GATAD2A: variants seen among roughly 807,000 people sequenced by gnomAD.
GATAD2A encodes the protein GATA zinc finger domain containing 2A.
Under a neutral mutation model 68.5 loss-of-function variants are expected in GATAD2A, and 12 were observed. The observed-to-expected ratio is 0.18, with a 90% CI of 0.11 to 0.28. GATAD2A has a LOEUF of 0.28. Ranked by LOEUF, GATAD2A falls within the 10% of genes least tolerant of loss-of-function variation. GATAD2A has a pLI of 1.00. For missense variants in GATAD2A, 755 were observed against 868.5 expected (o/e 0.87, Z 1.64); for synonymous variants, 410 against 375.3 (o/e 1.09, Z -1.07).
intron 8 of GATAD2A, among the ~76,000 whole-genome samples, chr19:19,500,773 C>T (rs2060474728): frequency 6.6e-6 from 1 of 152,264 alleles, no homozygotes; most frequent in East Asian, 1.9e-4. Flanking sequence ...TAAGAATGAA[C>T]TGAGTACCTC....
chr19:19,414,676 A>G (rs2051368076), intron 1 of GATAD2A, among the ~76,000 whole-genome samples: 1 of 149,102 alleles, frequency 6.7e-6, no homozygotes, highest in South Asian at 2.1e-4. Flanking sequence ...AGCTGGGATT[A>G]CAGGCGCACG....
At chr19:19,453,468 C>T (rs1343702190) in intron 1 of GATAD2A, among the ~76,000 whole-genome samples, 1 of 152,084 alleles carries the variant, frequency 6.6e-6, no homozygotes, top group African/African-American at 2.4e-5. Context: ...TGAGTCCTTG[C>T]TCTGGATTTA....
intron 2 of GATAD2A, among the ~76,000 whole-genome samples, chr19:19,487,953 C>T (rs1156456678): frequency 1.3e-5 from 2 of 152,166 alleles, no homozygotes; most frequent in East Asian, 3.9e-4. Flanking sequence ...GGTTCTGTGG[C>T]TGGAGAAGGC....
At chr19:19,451,403 G>T (rs2056378819) in intron 1 of GATAD2A, among the ~76,000 whole-genome samples, 1 of 152,190 alleles carries the variant, frequency 6.6e-6, no homozygotes, top group Non-Finnish European at 1.5e-5. Flanking sequence ...CCCAGGCACT[G>T]ATCAGGCTCC....
chr19:19,400,444 G>T (rs551112735), intron 1 of GATAD2A, among the ~76,000 whole-genome samples: 2 of 152,188 alleles, frequency 1.3e-5, no homozygotes, highest in East Asian at 3.9e-4. Context: ...CAGCATAAAC[G>T]ATGGTGATGG....
chr19:19,399,087 G>A (rs772472561), intron 1 of GATAD2A, among the ~76,000 whole-genome samples: 14 of 152,016 alleles, frequency 9.2e-5, no homozygotes, highest in Non-Finnish European at 1.6e-4. Flanking sequence ...TGCCAGGCAT[G>A]GTGGCCCACG....
At chr19:19,388,116 G>A (rs2048582835) in intron 1 of GATAD2A, among the ~76,000 whole-genome samples, 1 of 151,050 alleles carries the variant, frequency 6.6e-6, no homozygotes, top group Non-Finnish European at 1.5e-5. Flanking sequence ...GAGTGCAATG[G>A]TGTGATCTCT....
intron 1 of GATAD2A, chr19:19,429,103 C>G (rs2053435557): frequency 1.4e-6 from 1 of 729,130 alleles, no homozygotes; most frequent in Admixed American, 6.4e-5. Context: ...ATTTTGTAGT[C>G]TCCTCCTCCG....
chr19:19,501,026 G>A lies in GATAD2A; in HGVS notation c.1205-92G>A, dbSNP rs555469791. On this transcript the variant is annotated intron_variant, in intron 8 of 11. Coordinates refer to ENST00000683918, the MANE Select transcript of GATAD2A (RefSeq NM_001384528.1). ...ATTTGCAGAACGGACAGACTGTGGC[G>A]ACTGAGACTCCAGCATCCTGGGCTG... is the stretch of plus-strand genomic sequence containing the variant. 7.9e-5 allele frequency: 91 copies of A among 1,148,658 alleles called. No homozygotes were observed. In the African/African-American group the frequency reaches 8.7e-4, roughly 11 times the overall value. The allele number at this position is 1,148,658 out of a possible 1,614,324, so 71.2% of individuals were successfully genotyped here. A position where few individuals can be genotyped will look rare whatever the true frequency, so the allele number is the denominator to read the frequency against.
chr19:19,435,086 G>T (rs563473140), intron 1 of GATAD2A: 4 of 533,018 alleles, frequency 7.5e-6, no homozygotes, highest in South Asian at 5.6e-5. Flanking sequence ...AGTTCCTGAA[G>T]ATCAGACACA....
At chr19:19,484,619 G>A (rs2059308912) in intron 2 of GATAD2A, among the ~76,000 whole-genome samples, 3 of 141,322 alleles carry the variant, frequency 2.1e-5, no homozygotes, top group Admixed American at 1.6e-4. Context: ...TGCAGGCTCT[G>A]CCCCCCGGGG....
upstream of GATAD2A, among the ~76,000 whole-genome samples, chr19:19,404,968 G>C (rs1397785377): frequency 6.6e-6 from 1 of 152,182 alleles, no homozygotes; most frequent in Non-Finnish European, 1.5e-5. Context: ...TTCGCTTTAT[G>C]TAGTTTAACA....
intron 1 of GATAD2A, among the ~76,000 whole-genome samples, chr19:19,416,955 T>G (rs2051719651): frequency 1.3e-5 from 2 of 152,094 alleles, no homozygotes; most frequent in Non-Finnish European, 2.9e-5. Flanking sequence ...AGAGACAGGG[T>G]TTCACCATGT....
At chr19:19,392,692 G>GTT (rs35476291) in intron 1 of GATAD2A, among the ~76,000 whole-genome samples, 91 of 131,496 alleles carry the variant, frequency 6.9e-4, no homozygotes, top group Non-Finnish European at 7.6e-4. Flanking sequence ...GTCCGGTCAA[G>GTT]TTTTTTTTTT....
At chr19:19,499,222 G>A (rs1010372083) in intron 8 of GATAD2A, among the ~76,000 whole-genome samples, 15 of 152,272 alleles carry the variant, frequency 9.9e-5, no homozygotes, top group Middle Eastern at 3.4e-3. Flanking sequence ...GGAATAAAAA[G>A]ACATCTACGG....
intron 1 of GATAD2A, among the ~76,000 whole-genome samples, chr19:19,415,637 T>C (rs1231223427): frequency 6.7e-6 from 1 of 150,308 alleles, no homozygotes; most frequent in Non-Finnish European, 1.5e-5. Context: ...TTTTTTTTTT[T>C]TGAGACAGTC....
intron 2 of GATAD2A, among the ~76,000 whole-genome samples, chr19:19,471,459 C>A (rs376081128): frequency 1.3e-5 from 2 of 151,948 alleles, no homozygotes; most frequent in African/African-American, 4.8e-5. Context: ...GCATGTCCCC[C>A]CAAAAAGCAA....
At chr19:19,428,120 T>A (rs1468675791) in intron 1 of GATAD2A, 1 of 152,272 alleles carries the variant, frequency 6.6e-6, no homozygotes, top group Non-Finnish European at 1.5e-5. Flanking sequence ...AGTCATTTCC[T>A]CTTTTGTTCT....
intron 1 of GATAD2A, among the ~76,000 whole-genome samples, chr19:19,432,668 A>G (rs150976782): frequency 6.6e-6 from 1 of 152,354 alleles, no homozygotes; most frequent in Non-Finnish European, 1.5e-5. Flanking sequence ...GATAGATGAA[A>G]TGACAGAACT....
Sources: allele counts gnomAD v4.1 joint callset (sites outside exome capture counted in the v4.1 genomes callset), GRCh38; gene constraint gnomAD v4.1.1; transcripts MANE v1.5; gene names NCBI Gene and HGNC (gene_info 2026-07-23, HGNC 2026-07-21).